Variants in PTPRN observed in about 807,000 individuals in gnomAD.
PTPRN encodes protein tyrosine phosphatase receptor type N, also known as receptor-type tyrosine-protein phosphatase-like N.
In PTPRN, 70 loss-of-function variants were observed where a neutral mutation model predicts 108.5. That is an observed-to-expected ratio of 0.65 (90% CI 0.53 to 0.79). The LOEUF is 0.79. Ranked by LOEUF, PTPRN falls within the 30% of genes least tolerant of loss-of-function variation. PTPRN has a pLI of 0.00. For synonymous variants in PTPRN, 496 were observed against 524.6 expected (o/e 0.95, Z 0.75); for missense variants, 1,136 against 1,295.5 (o/e 0.88, Z 1.89).
At chr2:219,298,451 C>T (rs1197565136) in intron 12 of PTPRN, among the ~76,000 whole-genome samples, 1 of 152,224 alleles carries the variant, frequency 6.6e-6, no homozygotes, top group Non-Finnish European at 1.5e-5. Context: ...CACCTGTAAT[C>T]TCAGCACTTT....
rs139505738 is a variant in PTPRN, at chr2:219,296,780, G to A, written c.2279C>T (p.Ser760Phe). 15 of 1,613,918 alleles carry A rather than the reference G, an allele frequency of 9.3e-6. No individual in the cohort carries two copies. The African/African-American group carries it at 1.2e-4, about 13-fold the overall frequency. Reference protein sequence around the residue: ...RIKLKVESSPSRSDYINASPI... With the variant: ...RIKLKVESSPFRSDYINASPI... ...GCTGGCGTTGATGTAATCGCTCCGA[G>A]AAGGGCTGCTCTCCACCTTCAGTTT... Residue 760 changes from serine to phenylalanine, a missense_variant, in exon 16 of 23, where the codon TCT becomes TTT. By Grantham distance (155) the Ser-to-Phe change is radical. Coordinates refer to ENST00000295718, the MANE Select transcript of PTPRN (RefSeq NM_002846.4). The surrounding 1 kb of genome is among the most constrained non-coding windows in gnomAD (Gnocchi z 6.0).
chr2:219,300,059 G>A lies in PTPRN; in HGVS notation c.1362C>T (p.Ser454=), dbSNP rs764760231. ...AGGGCTGTCCTGCCACCGTGGGCTG[G>A]CTCTGGCCCAGTGGGCTTTTCTTCT... ...LLEKKSPLGQ[S]QPTVAGQPSA... is the part of the protein sequence containing the mutation. The change falls in exon 9 of 23, where the codon AGC becomes AGT. Residue 454 remains serine, a synonymous_variant. Transcript: ENST00000295718. The A allele has an allele frequency of 1.1e-5, 18 of 1,614,240 alleles. No homozygotes were observed. Among genetic ancestry groups the A allele is most frequent in the Admixed American group, 1.7e-5 (1 of 60,030 alleles).
rs1361991618 is a variant in PTPRN, at chr2:219,309,386, G to C, written c.-54C>G. On this transcript the variant is annotated 5_prime_UTR_variant, in exon 1 of 23. Coordinates refer to ENST00000295718, the MANE Select transcript of PTPRN (RefSeq NM_002846.4). ...GGCCGGAGCCGCAGCGACGCTGGCG[G>C]GAGCCTGCCAGAGGGGCTGAGGCGG... The C allele has an allele frequency of 1.0e-6, 1 of 996,456 alleles. No individual in the cohort carries two copies. The highest frequency in any genetic ancestry group is 1.4e-6 in the Non-Finnish European group (1 of 721,654). The allele number at this position is 996,456 out of a possible 1,614,324, so 61.7% of individuals were successfully genotyped here.
chr2:219,291,585 A>T, intron 19 of PTPRN, 62 bp from the exon 20 acceptor site: 1 of 1,499,970 alleles, frequency 6.7e-7, no homozygotes, highest in Non-Finnish European at 9.3e-7. Context: ...GGGAAGCTGA[A>T]ACACATGACG....
intron 19 of PTPRN, 191 bp from the exon 20 acceptor site, chr2:219,291,714 G>A (rs547816303): frequency 6.5e-6 from 4 of 619,916 alleles, no homozygotes; most frequent in Admixed American, 2.9e-5. Context: ...CATTGGGCTC[G>A]CCTTGTCACT....
rs1952515289 is a variant in PTPRN, at chr2:219,307,569, A to G, written c.167-12T>C. Reference sequence around the variant, plus strand: ...CCCAAACAAGCCATCTAAGGGCACAAAAGTGGTGTCAGCAGGGGGCTTGAA... The same window carrying G: ...CCCAAACAAGCCATCTAAGGGCACAGAAGTGGTGTCAGCAGGGGGCTTGAA... On this transcript the variant is annotated splice_polypyrimidine_tract_variant and intron_variant, in intron 2 of 22. Transcript: ENST00000295718. 3 of 1,612,176 alleles carry G rather than the reference A, an allele frequency of 1.9e-6. No homozygotes were observed. Among genetic ancestry groups the G allele is most frequent in the East Asian group, 4.5e-5 (2 of 44,862 alleles).
In PTPRN at chr2:219,301,592, A is replaced by G. The variant is rs759890040; in HGVS notation, c.1122T>C (p.Asn374=). The G allele has an allele frequency of 8.7e-6, 14 of 1,605,018 alleles. No homozygotes were observed. The highest frequency in any genetic ancestry group is 5.5e-5 in the South Asian group (5 of 90,850). Residue 374 remains asparagine, a synonymous_variant, in exon 7 of 23, where the codon AAT becomes AAC. Transcript: ENST00000295718. ...TCCCTCTGCCTGGACACTTACCCGG[A>G]TTTCTTCCTGCACCCTTGGGCAGTA... ...LQLLPKGAGR[N]PGGVVNVGAD...
rs760728236 is a variant in PTPRN, at chr2:219,295,119, A to G, written c.2531T>C (p.Ile844Thr). The G allele has an allele frequency of 1.2e-6, 2 of 1,612,158 alleles. No individual in the cohort carries two copies. The highest frequency in any genetic ancestry group is 1.7e-5 in the Admixed American group (1 of 59,862). The change falls in exon 19 of 23, where the codon ATC becomes ACC. Residue 844 changes from isoleucine (I) to threonine (T), a missense_variant. Physicochemically the swap from Ile to Thr is moderately conservative, Grantham distance 89. Transcript: ENST00000295718. ...VYEVNLVSEHIWCEDFLVRSF... is the reference protein window; with the variant it reads ...VYEVNLVSEHTWCEDFLVRSF... ...CCGCACCAGAAAGTCCTCGCACCAG[A>G]TGTGCTCCGACACCAGGTTCACCTG...
intron 19 of PTPRN, chr2:219,294,163 T>C (rs772596083): frequency 1.5e-5 from 8 of 525,660 alleles, no homozygotes; most frequent in Non-Finnish European, 1.6e-5. Context: ...GTGAGAATAC[T>C]AGCTGCAGAT....
At chr2:219,301,551 G>T in intron 7 of PTPRN, 37 bp downstream of exon 7, 5 of 1,585,536 alleles carry the variant, frequency 3.2e-6, no homozygotes, top group South Asian at 1.1e-5. Context: ...CCATGGAGCC[G>T]GGAGATATTG....
At position 219,297,946 on chromosome 2, in the gene PTPRN, T is replaced by C; in HGVS notation, c.1826A>G (p.Lys609Arg). ...CVRQHARQQD[K>R]ERLAALGPEG... The stretch of plus-strand genomic sequence containing the variant: ...AGGCCCCAGGGCTGCCAGGCGCTCC[T>C]TGTCTTGCTGCCGCGCATGCTGCCG... The change falls in exon 13 of 23, where the codon AAG becomes AGG. Residue 609 changes from lysine to arginine, a missense_variant. Physicochemically the swap from Lys to Arg is conservative, Grantham distance 26. Coordinates refer to ENST00000295718, the MANE Select transcript of PTPRN (RefSeq NM_002846.4). The surrounding 1 kb of genome is among the most constrained non-coding windows in gnomAD (Gnocchi z 6.0). 6.2e-7 allele frequency: 1 copy of C among 1,613,594 alleles called. No individual in the cohort carries two copies. The highest frequency in any genetic ancestry group is 8.5e-7 in the Non-Finnish European group (1 of 1,179,978).
Position 219,290,367 on chromosome 2 carries a change from T to C in PTPRN, c.2869-70A>G. ...GTGCTCTGCCCTCAAGATGGGGGGC[T>C]TTTGGTGGGGGGAGGGCCCTGGGCA... On this transcript the variant is annotated intron_variant, in intron 22 of 22. Transcript: ENST00000295718. The surrounding 1 kb of genome is among the most constrained non-coding windows in gnomAD (Gnocchi z 4.2). The C allele has an allele frequency of 2.7e-5, 22 of 828,906 alleles. No individual in the cohort carries two copies. Among genetic ancestry groups the C allele is most frequent in the Non-Finnish European group, 4.4e-5 (22 of 499,612 alleles). The allele number at this position is 828,906 out of a possible 1,614,324, so 51.3% of individuals were successfully genotyped here.
In PTPRN at chr2:219,290,076, C is replaced by T; in HGVS notation, c.*150G>A. On this transcript the variant is annotated 3_prime_UTR_variant, in exon 23 of 23. Transcript: ENST00000295718. This position sits in a 1 kb window ranked among gnomAD's most constrained non-coding sequence, Gnocchi z 4.2. ...GGCATGCGAGGCTGGGCAGGCGTGCCCCTTCTGGCTTTCCCTTCCTGACTC... is the reference window on the plus strand; with the variant it reads ...GGCATGCGAGGCTGGGCAGGCGTGCTCCTTCTGGCTTTCCCTTCCTGACTC... The T allele has an allele frequency of 1.3e-6, 1 of 742,996 alleles. No individual in the cohort carries two copies. Among genetic ancestry groups the T allele is most frequent in the South Asian group, 1.7e-5 (1 of 57,268 alleles). 46.0% of individuals were successfully genotyped at this position (742,996 alleles called of 1,614,324 possible).
intron 19 of PTPRN, chr2:219,294,089 T>A (rs769382937): frequency 1.9e-6 from 1 of 528,468 alleles, no homozygotes; most frequent in Non-Finnish European, 3.9e-6. Flanking sequence ...CCGGGCCACA[T>A]GTCCTGTCTG....
rs1337611599 is a variant in PTPRN, at chr2:219,296,277, C to G, written c.2457G>C (p.Gln819His). Residue 819 changes from glutamine to histidine, a missense_variant, in exon 18 of 23, where the codon CAG becomes CAC. Coordinates refer to ENST00000295718, the MANE Select transcript of PTPRN (RefSeq NM_002846.4). The surrounding 1 kb of genome is among the most constrained non-coding windows in gnomAD (Gnocchi z 6.0). ...LTPLVEDGVK[Q>H]CDRYWPDEGA... is the part of the protein sequence containing the mutation. ...CCTCATCTGGCCAGTAGCGGTCACA[C>G]TGCTTGACACCATCCTCCACCAGCG... The G allele has an allele frequency of 1.2e-6, 2 of 1,614,152 alleles. No individual in the cohort carries two copies.
chr2:219,308,883 T>C, intron 1 of PTPRN: 1 of 1,343,650 alleles, frequency 7.4e-7, no homozygotes, highest in Non-Finnish European at 9.8e-7. Flanking sequence ...TGTCACCACC[T>C]CCCAGGCGCC....
At chr2:219,292,045 T>C in intron 19 of PTPRN, 1 of 161,568 alleles carries the variant, frequency 6.2e-6, no homozygotes, top group Non-Finnish European at 1.4e-5. Context: ...CCTCTGCCAT[T>C]CTTTATGACC....
chr2:219,301,639 T>G lies in PTPRN; in HGVS notation c.1075A>C (p.Thr359Pro). ...LRQLTPEQLSTLLTLLQLLPK... is the reference protein window; with the variant it reads ...LRQLTPEQLSPLLTLLQLLPK... The stretch of plus-strand genomic sequence containing the variant: ...AGTAGCTGCAGCAGGGTCAGGAGTG[T>G]GGAGAGCTGCTCAGGGGTCAGCTGA... Residue 359 changes from threonine to proline, a missense_variant, in exon 7 of 23, where the codon ACA becomes CCA. Transcript: ENST00000295718. The G allele has an allele frequency of 1.9e-6, 3 of 1,613,572 alleles. No individual in the cohort carries two copies. The highest frequency in any genetic ancestry group is 2.5e-6 in the Non-Finnish European group (3 of 1,179,512).
In PTPRN at chr2:219,301,623, A is replaced by C; in HGVS notation, c.1091T>G (p.Leu364Arg). The C allele has an allele frequency of 1.2e-6, 2 of 1,613,018 alleles. No individual in the cohort carries two copies. Among genetic ancestry groups the C allele is most frequent in the Non-Finnish European group, 1.7e-6 (2 of 1,179,054 alleles). Reference protein sequence around the residue: ...PEQLSTLLTLLQLLPKGAGRN... With the variant: ...PEQLSTLLTLRQLLPKGAGRN... Reference sequence around the variant, plus strand: ...TCCTGCACCCTTGGGCAGTAGCTGCAGCAGGGTCAGGAGTGTGGAGAGCTG... The same window carrying C: ...TCCTGCACCCTTGGGCAGTAGCTGCCGCAGGGTCAGGAGTGTGGAGAGCTG... Residue 364 changes from leucine (L) to arginine (R), a missense_variant, in exon 7 of 23, where the codon CTG becomes CGG. Leu to Arg is a moderately radical substitution (Grantham distance 102). Transcript: ENST00000295718.
Sources: allele counts gnomAD v4.1 joint callset (sites outside exome capture counted in the v4.1 genomes callset), GRCh38; gene constraint gnomAD v4.1.1; non-coding constraint Gnocchi (gnomAD v3.1); transcripts MANE v1.5; gene names NCBI Gene and HGNC (gene_info 2026-07-23, HGNC 2026-07-21).